The following UBE3B variants were observed in gnomAD, a reference collection of about 807,000 sequenced individuals.
UBE3B encodes ubiquitin protein ligase E3B, also known as ubiquitin-protein ligase E3B.
Under a neutral mutation model 132.3 loss-of-function variants are expected in UBE3B, and 80 were observed. The ratio of observed to expected loss-of-function variants is 0.60; its 90% CI spans 0.50 to 0.73. UBE3B has a LOEUF of 0.73. Among genes scored for constraint, UBE3B ranks in the 30% least tolerant of loss-of-function variants. The pLI, the probability that UBE3B is intolerant of heterozygous loss-of-function variation, is 0.00. For missense variants in UBE3B, 1,196 were observed against 1,362.5 expected, an observed-to-expected ratio of 0.88 and a Z score of 1.92; for synonymous variants, 487 against 520.4, an observed-to-expected ratio of 0.94 and a Z score of 0.87.
At chr12:109,497,068 G>A (rs1878291840) in intron 9 of UBE3B, among the ~76,000 whole-genome samples, 1 of 151,626 alleles carries the variant, frequency 6.6e-6, no homozygotes, top group South Asian at 2.1e-4. Context: ...TTTTATATAT[G>A]GTGTGGGATA....
Position 109,491,060 on chromosome 12 carries a change from G to A in UBE3B, c.646G>A (p.Gly216Ser). The A allele has an allele frequency of 1.9e-6, 3 of 1,613,574 alleles. No individual in the cohort carries two copies. Among genetic ancestry groups the A allele is most frequent in the Non-Finnish European group, 2.5e-6 (3 of 1,179,652 alleles). Residue 216 changes from glycine (G) to serine (S), a missense_variant, in exon 9 of 28, where the codon GGC (glycine) becomes AGC (serine). Coordinates refer to ENST00000342494, the MANE Select transcript of UBE3B (RefSeq NM_130466.4). The stretch of plus-strand genomic sequence containing the variant: ...TTCTTTTCAGATATTGTTAACCCGT[G>A]GCCTGGCAAGACCCCGTCCTTGTCT... The part of the protein sequence containing the change: ...YSVLQILLTR[G>S]LARPRPCLSK...
intron 14 of UBE3B, among the ~76,000 whole-genome samples, chr12:109,503,751 A>G (rs1035367944): frequency 1.3e-5 from 2 of 152,204 alleles, no homozygotes; most frequent in African/African-American, 4.8e-5. Flanking sequence ...TGAGCACAGA[A>G]TTGGGTATCA....
rs1161483384 is a variant in UBE3B at position 109,530,005 on chromosome 12, T to C, written c.2743T>C (p.Phe915Leu). 6.2e-7 allele frequency: 1 copy of C among 1,614,152 alleles called. No homozygotes were observed. Among genetic ancestry groups the C allele is most frequent in the East Asian group, 2.2e-5 (1 of 44,882 alleles). The change falls in exon 25 of 28, where the codon TTC becomes CTC. Residue 915 changes from phenylalanine (F) to leucine (L), a missense_variant. Phe to Leu is a conservative substitution (Grantham distance 22). Transcript: ENST00000342494. ...SIIKPEWIRM[F>L]STPELQRLIS... ...TATCAAACCCGAGTGGATCCGAATGTTCTCAACTCCTGAACTGCAGCGTCT... is the reference window on the plus strand; with the variant it reads ...TATCAAACCCGAGTGGATCCGAATGCTCTCAACTCCTGAACTGCAGCGTCT...
At chr12:109,539,323 G>A (rs979413670), downstream of UBE3B, among the ~76,000 whole-genome samples, 8 of 152,242 alleles carry the variant, frequency 5.3e-5, no homozygotes, top group African/African-American at 1.7e-4. Flanking sequence ...CGTGGGGTCA[G>A]AATGGCATCC....
In UBE3B at chr12:109,486,577, TAACAAAA is replaced by T. The variant is rs1876484797; in HGVS notation, c.447+5_447+11del. ...TGTGATTTTCTCAAGCAGCTCAAGG[TAACAAAA>T]AAAAAAAAAAAAAAAAAAAGCAAAA... On this transcript the variant is annotated splice_donor_5th_base_variant and intron_variant, in intron 6 of 27. Coordinates refer to ENST00000342494, the MANE Select transcript of UBE3B (RefSeq NM_130466.4). 32 of 656,832 alleles carry T rather than the reference TAACAAAA, an allele frequency of 4.9e-5. No individual in the cohort carries two copies. The highest frequency in any genetic ancestry group is 5.7e-5 in the Non-Finnish European group (29 of 509,080). 40.7% of individuals were successfully genotyped at this position (656,832 alleles called of 1,614,324 possible).
At chr12:109,507,769 C>T (rs775372931) in intron 15 of UBE3B, 34 bp downstream of exon 15, 1 of 1,597,842 alleles carries the variant, frequency 6.3e-7, no homozygotes, top group East Asian at 2.2e-5. Flanking sequence ...AATTCCTTTC[C>T]TAGAATATGG....
At chr12:109,513,653 A>G (rs1880634209) in intron 18 of UBE3B, among the ~76,000 whole-genome samples, 1 of 152,090 alleles carries the variant, frequency 6.6e-6, no homozygotes, top group African/African-American at 2.4e-5. Flanking sequence ...ATAAATTGGA[A>G]TGACTTTTAA....
chr12:109,490,628 C>A, intron 8 of UBE3B: 2 of 1,530,002 alleles, frequency 1.3e-6, no homozygotes, highest in Non-Finnish European at 1.7e-6. Flanking sequence ...AATTAAACGG[C>A]TTCTAAAATA....
At position 109,507,728 on chromosome 12, in the gene UBE3B, C is replaced by G. The variant is rs770460631; in HGVS notation, c.1615C>G (p.Leu539Val). The G allele has an allele frequency of 1.2e-6, 2 of 1,612,320 alleles. No individual in the cohort carries two copies. The highest frequency in any genetic ancestry group is 1.7e-6 in the Non-Finnish European group (2 of 1,179,196). The change falls in exon 15 of 28, where the codon CTC becomes GTC. Residue 539 changes from leucine to valine, a missense_variant. Physicochemically the swap from Leu to Val is conservative, Grantham distance 32 (BLOSUM62 1). Transcript: ENST00000342494. The stretch of plus-strand genomic sequence containing the variant: ...GCTGTTCTGTGACTGTTCGCGGCAC[C>G]TCATCACGTAGGTTGACTGCTGTGG... ...LMLFCDCSRH[L>V]ITILDDIEVY...
At chr12:109,494,965 G>A (rs1279757536) in intron 9 of UBE3B, among the ~76,000 whole-genome samples, 1 of 152,184 alleles carries the variant, frequency 6.6e-6, no homozygotes, top group Non-Finnish European at 1.5e-5. Flanking sequence ...CCTTGCAAAT[G>A]CGAAGTGACT....
At chr12:109,486,781 G>A (rs190854127) in intron 6 of UBE3B, among the ~76,000 whole-genome samples, 38 of 152,124 alleles carry the variant, frequency 2.5e-4, no homozygotes, top group African/African-American at 8.0e-4. Context: ...TGCTTGCCAC[G>A]CCACAGCCTC....
intron 16 of UBE3B, among the ~76,000 whole-genome samples, chr12:109,509,999 C>T (rs1240288894): frequency 6.6e-6 from 1 of 152,170 alleles, no homozygotes; most frequent in Non-Finnish European, 1.5e-5. Context: ...GTTGATTCTT[C>T]CATTTGATTT....
At chr12:109,530,790 CA>C (rs1187754848) in intron 26 of UBE3B, 132 bp downstream of exon 26, 1 of 864,528 alleles carries the variant, frequency 1.2e-6, no homozygotes, top group East Asian at 2.8e-5. Context: ...TCCTCTCCCA[CA>C]GGCAGGCCTC....
chr12:109,486,034 G>T lies in UBE3B; in HGVS notation c.305G>T (p.Ser102Ile). ...CAGAGATTTGAGAAGTTGTGTCGCA[G>T]CATCCTGAGCAGCATGGATGCTGAG... Reference protein sequence around the residue: ...DNERFEKLCRSILSSMDAENE... With the variant: ...DNERFEKLCRIILSSMDAENE... The change falls in exon 5 of 28, where the codon AGC (serine) becomes ATC (isoleucine). Residue 102 changes from serine to isoleucine, a missense_variant. Ser to Ile is a moderately radical substitution (Grantham distance 142). Transcript: ENST00000342494. The T allele has an allele frequency of 6.4e-7, 1 of 1,554,740 alleles. No homozygotes were observed. The highest frequency in any genetic ancestry group is 8.7e-7 in the Non-Finnish European group (1 of 1,148,458).
chr12:109,534,065 G>A lies in UBE3B; in HGVS notation c.3015+507G>A, dbSNP rs879065768. On this transcript the variant is annotated intron_variant, in intron 27 of 27. Transcript: ENST00000342494. This position sits in a 1 kb window ranked among gnomAD's most constrained non-coding sequence, Gnocchi z 5.2. Reference sequence around the variant, plus strand: ...TGGCCCACTGTGGGTGCTCAAATGAGAGTCCTACTCCCCATAAAAACCCAG... The same window carrying A: ...TGGCCCACTGTGGGTGCTCAAATGAAAGTCCTACTCCCCATAAAAACCCAG... 8 of 1,294,704 alleles carry A rather than the reference G, an allele frequency of 6.2e-6. No homozygotes were observed. In the Admixed American group the frequency reaches 1.6e-4, roughly 26 times the overall value. 80.2% of individuals were successfully genotyped at this position (1,294,704 alleles called of 1,614,324 possible).
chr12:109,541,982 A>G, the UBE3B span, among the ~76,000 whole-genome samples: 2 of 152,176 alleles, frequency 1.3e-5, no homozygotes, highest in Non-Finnish European at 2.9e-5. Context: ...CTGTTTCCAA[A>G]AAAGGTCCCA....
chr12:109,482,290 C>T (rs924308501), intron 2 of UBE3B, among the ~76,000 whole-genome samples: 33 of 152,170 alleles, frequency 2.2e-4, no homozygotes, highest in African/African-American at 7.7e-4. Flanking sequence ...GAATGGTGAA[C>T]ATTGTACCAA....
At chr12:109,543,752 G>A in the UBE3B span, among the ~76,000 whole-genome samples, 1 of 152,124 alleles carries the variant, frequency 6.6e-6, no homozygotes, top group Admixed American at 6.5e-5. Flanking sequence ...AGAATCACTT[G>A]AACCCGGGCG....
intron 9 of UBE3B, 132 bp from the exon 10 acceptor site, chr12:109,497,686 T>G: frequency 3.4e-6 from 3 of 871,562 alleles, no homozygotes; most frequent in Non-Finnish European, 5.4e-6. Context: ...ATGTCCCCAA[T>G]TTCAGCCTTC....
Sources: gnomAD v4.1 joint callset for allele counts (sites outside exome capture counted in the v4.1 genomes callset) on GRCh38, gnomAD v4.1.1 for gene constraint, Gnocchi (gnomAD v3.1) non-coding constraint, MANE v1.5 for transcripts, NCBI Gene and HGNC (gene_info 2026-07-23, HGNC 2026-07-21) for gene names.